Variants in DOCK8 observed in about 807,000 individuals in gnomAD.
DOCK8 encodes the protein dedicator of cytokinesis 8, also known as dedicator of cytokinesis protein 8.
Under a neutral mutation model 245.6 loss-of-function variants are expected in DOCK8, and 141 were observed. That is an observed-to-expected ratio of 0.57 (90% CI 0.50 to 0.66). The LOEUF is 0.66. Among genes scored for constraint, DOCK8 ranks in the 30% least tolerant of loss-of-function variants. The pLI is 0.00. For missense variants in DOCK8, 2,965 were observed against 2,603.4 expected (o/e 1.14, Z -3.02); for synonymous variants, 1,168 against 970.2 (o/e 1.20, Z -3.79).
intron 43 of DOCK8, 129 bp from the exon 44 acceptor site, chr9:446,241 C>T: frequency 2.5e-6 from 2 of 808,868 alleles, no homozygotes; most frequent in Non-Finnish European, 4.4e-6. Flanking sequence ...TTCTCCCCTG[C>T]ATCTGTAGCT....
Position 376,271 on chromosome 9 carries a change from T to A in DOCK8, c.2171T>A (p.Ile724Asn). 1 of 1,613,598 alleles carries A rather than the reference T, an allele frequency of 6.2e-7. No individual in the cohort carries two copies. Among genetic ancestry groups the A allele is most frequent in the Non-Finnish European group, 8.5e-7 (1 of 1,179,558 alleles). ...GAAGGACATAAGGGAGTATTTAATA[T>A]TGAAGTGCAAGCTGTTTCTTCTGTA... ...WAEGHKGVFN[I>N]EVQAVSSVHT... Residue 724 changes from isoleucine (I) to asparagine (N), a missense_variant, in exon 19 of 48, where the codon ATT becomes AAT. Physicochemically the swap from Ile to Asn is moderately radical, Grantham distance 149 (BLOSUM62 -3). Transcript: ENST00000432829.
rs528441559 is a variant in DOCK8, at chr9:234,199, T to C, written c.53+19170T>C. On this transcript the variant is annotated intron_variant, in intron 1 of 47. Coordinates refer to ENST00000432829, the MANE Select transcript of DOCK8 (RefSeq NM_203447.4). ...ATGAAATTCTGCATTGAAAATTCTT[T>C]CCTTTCAGAATGTTGAATATTGGCC... Among the ~76,000 whole-genome samples, 4 of 152,358 alleles carry C rather than the reference T, an allele frequency of 2.6e-5. 1 individual carries two copies. The South Asian group carries it at 8.3e-4, about 32-fold the overall frequency.
rs578189449 is a variant in DOCK8, at chr9:220,610, G to T, written c.53+5581G>T. On this transcript the variant is annotated intron_variant, in intron 1 of 47. Coordinates refer to ENST00000432829, the MANE Select transcript of DOCK8 (RefSeq NM_203447.4). ...GAAAGCTAAGAAACAAAAGCATTTA[G>T]TTTTTTTCAGTGGCAGGTGCTTATT... 4.1e-4 allele frequency: 118 copies of T among 285,628 alleles called. 2 individuals carry two copies. Among genetic ancestry groups the T allele is most frequent in the South Asian group, 2.9e-3 (109 of 37,200 alleles). 17.7% of individuals were successfully genotyped at this position (285,628 alleles called of 1,614,324 possible).
chr9:286,311 G>C (rs972172407), intron 2 of DOCK8, 150 bp from the exon 3 acceptor site: 1 of 815,784 alleles, frequency 1.2e-6, no homozygotes, highest in South Asian at 1.8e-5. Context: ...TTCTGTGTTT[G>C]ACAGCTCCTC....
In DOCK8 at chr9:393,052, C is replaced by T. The variant is rs1024116479; in HGVS notation, c.2970+2486C>T. Among the ~76,000 whole-genome samples, 10 of 130,146 alleles carry T rather than the reference C, an allele frequency of 7.7e-5. No individual in the cohort carries two copies. In the Admixed American group the frequency reaches 7.8e-4, roughly 10 times the overall value. The allele number at this position is 130,146 out of a possible 152,430, so 85.4% of individuals were successfully genotyped here. ...AGTGAGCCTTGATCATGCCATTGCA[C>T]TCCAGCCTGGGCAACAGATTGAGAC... On this transcript the variant is annotated intron_variant, in intron 24 of 47. Coordinates refer to ENST00000432829, the MANE Select transcript of DOCK8 (RefSeq NM_203447.4).
At chr9:235,930 T>A (rs1435992916) in intron 1 of DOCK8, among the ~76,000 whole-genome samples, 1 of 152,164 alleles carries the variant, frequency 6.6e-6, no homozygotes, top group Non-Finnish European at 1.5e-5. Flanking sequence ...TGTCTGGCAC[T>A]CCCCAGTGAG....
intron 33 of DOCK8, among the ~76,000 whole-genome samples, chr9:425,500 CT>C (rs529392882): frequency 7.4e-6 from 1 of 134,324 alleles, no homozygotes; most frequent in African/African-American, 3.5e-5. Context: ...CCACTGCACT[CT>C]GCACTCCAGC....
chr9:452,220 A>T (rs2057491237), intron 46 of DOCK8, 103 bp downstream of exon 46: 2 of 761,118 alleles, frequency 2.6e-6, no homozygotes, highest in African/African-American at 1.8e-5. Context: ...TAGAAAGACA[A>T]AGTCTCAGGC....
chr9:244,440 G>C (rs989184134), intron 1 of DOCK8, among the ~76,000 whole-genome samples: 6 of 151,868 alleles, frequency 4.0e-5, no homozygotes, highest in Non-Finnish European at 8.8e-5. Flanking sequence ...TAATAAATCA[G>C]ACTCCCCCTT....
At chr9:308,721 G>T (rs547643655) in intron 5 of DOCK8, among the ~76,000 whole-genome samples, 4 of 152,086 alleles carry the variant, frequency 2.6e-5, no homozygotes, top group Non-Finnish European at 4.4e-5. Flanking sequence ...GCAGTGGCAC[G>T]ATCTTGGCTC....
chr9:336,889 G>T (rs1445291429), intron 12 of DOCK8, among the ~76,000 whole-genome samples, 171 bp downstream of exon 12: 1 of 152,132 alleles, frequency 6.6e-6, no homozygotes, highest in Non-Finnish European at 1.5e-5. Context: ...AATTTAAAAA[G>T]AAAAGGGATT....
intron 1 of DOCK8, among the ~76,000 whole-genome samples, chr9:255,157 A>G (rs1411593089): frequency 6.6e-6 from 1 of 152,180 alleles, no homozygotes; most frequent in Non-Finnish European, 1.5e-5. Flanking sequence ...TCAATATATA[A>G]AAGGAAAGGT....
At chr9:426,144 G>A (rs1375049146) in intron 33 of DOCK8, among the ~76,000 whole-genome samples, 1 of 151,992 alleles carries the variant, frequency 6.6e-6, no homozygotes, top group East Asian at 1.9e-4. Context: ...GCTTCACTTA[G>A]ATTTCATAAG....
chr9:422,268 A>G (rs2056308143), intron 33 of DOCK8, 133 bp downstream of exon 33: 1 of 811,714 alleles, frequency 1.2e-6, no homozygotes, highest in Non-Finnish European at 2.1e-6. Context: ...GTGTAAATAC[A>G]ATTCATCCAG....
At chr9:319,807 C>G (rs1433063666) in intron 7 of DOCK8, among the ~76,000 whole-genome samples, 1 of 151,006 alleles carries the variant, frequency 6.6e-6, no homozygotes, top group Non-Finnish European at 1.5e-5. Context: ...AGAATGACAA[C>G]AAAGTATTTT....
chr9:453,475 G>A (rs190619479), intron 46 of DOCK8, among the ~76,000 whole-genome samples: 5 of 152,226 alleles, frequency 3.3e-5, no homozygotes, highest in African/African-American at 1.2e-4. Flanking sequence ...TGCCCAGGCT[G>A]GAGTACAGTG....
chr9:333,415 C>G (rs550456629), intron 10 of DOCK8, among the ~76,000 whole-genome samples: 108 of 152,244 alleles, frequency 7.1e-4, no homozygotes, highest in African/African-American at 2.6e-3. Context: ...TCCTGGCCAA[C>G]ACGGTGAAAC....
intron 2 of DOCK8, chr9:272,998 A>T (rs1587701093): frequency 1.0e-6 from 1 of 982,324 alleles, no homozygotes; most frequent in East Asian, 1.1e-4. Context: ...CTTCGAAACC[A>T]CTTCTGCCTT....
chr9:363,814 T>C (rs2052847135), intron 14 of DOCK8, among the ~76,000 whole-genome samples: 1 of 152,158 alleles, frequency 6.6e-6, no homozygotes. Context: ...GGAAGCAACA[T>C]GCAAAATTGC....
Sources: gnomAD v4.1 joint callset for allele counts (sites outside exome capture counted in the v4.1 genomes callset) on GRCh38, gnomAD v4.1.1 for gene constraint, MANE v1.5 for transcripts, NCBI Gene and HGNC (gene_info 2026-07-23, HGNC 2026-07-21) for gene names.